IL36A: variants seen among roughly 807,000 people sequenced by gnomAD.
The protein encoded by IL36A is interleukin 36 alpha.
A neutral mutation model predicts 12.7 loss-of-function variants in IL36A; 13 were observed. The observed-to-expected ratio is 1.02, with a 90% CI of 0.67 to 1.63. The LOEUF (loss-of-function observed/expected upper bound fraction) is 1.63, where lower values mean the gene tolerates loss of function less well. IL36A is among the 40% of genes most tolerant of loss of function. The probability of loss-of-function intolerance (pLI) is 0.00; values close to 1 mark genes in which losing one functional copy is unlikely to be tolerated. For synonymous variants in IL36A, 73 were observed against 71.9 expected (o/e 1.01, Z -0.08); for missense variants, 195 against 192.9 (o/e 1.01, Z -0.07).
chr2:113,009,210 C>T (rs1453557698), downstream of IL36A, among the ~76,000 whole-genome samples: 1 of 151,750 alleles, frequency 6.6e-6, no homozygotes, highest in Non-Finnish European at 1.5e-5. Context: ...TTTCTTAATC[C>T]AGTCTATCGT....
chr2:113,010,498 T>TCCA (rs1684710867), downstream of IL36A, among the ~76,000 whole-genome samples: 1 of 152,198 alleles, frequency 6.6e-6, no homozygotes, highest in African/African-American at 2.4e-5. Context: ...CTGAGATGTA[T>TCCA]GGACCAGCTG....
intron 3 of IL36A, among the ~76,000 whole-genome samples, chr2:113,007,031 A>G (rs1684638173): frequency 6.6e-6 from 1 of 152,248 alleles, no homozygotes; most frequent in African/African-American, 2.4e-5. Flanking sequence ...GTTAATTATC[A>G]CAAAGTAGAC....
intron 2 of IL36A, 34 bp from the exon 3 acceptor site, chr2:113,006,564 C>G: frequency 6.2e-7 from 1 of 1,611,966 alleles, no homozygotes; most frequent in Non-Finnish European, 8.5e-7. Flanking sequence ...CTGGAAATGG[C>G]AGCTGAACAC....
chr2:113,005,743 G>A lies in IL36A; in HGVS notation c.-129G>A, dbSNP rs1172078444. On this transcript the variant is annotated 5_prime_UTR_variant, in exon 1 of 4. Coordinates refer to ENST00000259211, the MANE Select transcript of IL36A (RefSeq NM_014440.3). ...AGATTCTGACTGGGGTCACTGCTGG[G>A]CTGGCCGCCAGTCTTTCATCTGACC... 5 of 1,003,924 alleles carry A rather than the reference G, an allele frequency of 5.0e-6. No individual in the cohort carries two copies. The highest frequency in any genetic ancestry group is 2.6e-5 in the South Asian group (2 of 77,244). The allele number at this position is 1,003,924 out of a possible 1,614,324, so 62.2% of individuals were successfully genotyped here. A position where few individuals can be genotyped will look rare whatever the true frequency, so the allele number is the denominator to read the frequency against.
rs748824953 is a variant in IL36A at position 113,007,907 on chromosome 2, AG to A, written c.342del (p.Asn115ThrfsTer40). 1.5e-5 allele frequency: 24 copies of A among 1,614,082 alleles called. No individual in the cohort carries two copies. Among genetic ancestry groups the A allele is most frequent in the Non-Finnish European group, 2.5e-6 (3 of 1,180,020 alleles). On this transcript the variant is annotated frameshift_variant, in exon 4 of 4. Transcript: ENST00000259211. LOFTEE classifies it low-confidence loss of function (END_TRUNC). ...SFLFYHSQSG[R>X]NSTFESVAFP... is the part of the protein sequence containing the mutation. ...TCTCTTCTACCACAGCCAGAGTGGC[AG>A]GAACTCCACCTTCGAGTCTGTGGCT... is the stretch of plus-strand genomic sequence containing the variant.
Position 113,005,667 on chromosome 2 carries a change from A to C in IL36A, c.-205A>C, listed in dbSNP as rs1194765847. 6.3e-6 allele frequency: 4 copies of C among 630,494 alleles called. No homozygotes were observed. The East Asian group carries it at 1.1e-4, about 17-fold the overall frequency. 39.1% of individuals were successfully genotyped at this position (630,494 alleles called of 1,614,324 possible). On this transcript the variant is annotated 5_prime_UTR_variant, in exon 1 of 4. Coordinates refer to ENST00000259211, the MANE Select transcript of IL36A (RefSeq NM_014440.3). ...TCATAGGTGCAGCTGCTTCTGCTGG[A>C]GGTAGACTGCATCCAACAAAGTAAG...
chr2:113,011,068 C>T (rs570351693), downstream of IL36A, among the ~76,000 whole-genome samples: 92 of 152,290 alleles, frequency 6.0e-4, no homozygotes, highest in African/African-American at 2.2e-3. Context: ...TTTTTAAAGG[C>T]TGAATAATAA....
chr2:113,005,952 T>C, intron 1 of IL36A, 22 bp from the exon 2 acceptor site: 1 of 1,611,984 alleles, frequency 6.2e-7, no homozygotes, highest in Non-Finnish European at 8.5e-7. Context: ...CTTACTAATT[T>C]ACATTTTGAC....
chr2:113,007,720 C>A, intron 3 of IL36A, 112 bp from the exon 4 acceptor site: 1 of 803,300 alleles, frequency 1.2e-6, no homozygotes, highest in Non-Finnish European at 2.1e-6. Flanking sequence ...GGTCTCCAAG[C>A]TGCTTCAATG....
At chr2:113,009,775 A>G (rs569540964), downstream of IL36A, among the ~76,000 whole-genome samples, 1 of 152,334 alleles carries the variant, frequency 6.6e-6, no homozygotes, top group South Asian at 2.1e-4. Context: ...TGAACAATGC[A>G]GGTGCACAGC....
downstream of IL36A, among the ~76,000 whole-genome samples, chr2:113,009,707 A>G (rs1405291644): frequency 6.6e-6 from 1 of 152,146 alleles, no homozygotes; most frequent in East Asian, 1.9e-4. Flanking sequence ...AGGCCTCACT[A>G]CTGGGGTGGG....
downstream of IL36A, among the ~76,000 whole-genome samples, chr2:113,009,433 G>A (rs1684695453): frequency 6.6e-6 from 1 of 151,346 alleles, no homozygotes; most frequent in Non-Finnish European, 1.5e-5. Context: ...ACGATAGACT[G>A]GATTAAGAAA....
At chr2:113,008,363 T>G (rs1204350874), downstream of IL36A, among the ~76,000 whole-genome samples, 3 of 148,314 alleles carry the variant, frequency 2.0e-5, no homozygotes, top group Non-Finnish European at 4.5e-5. Flanking sequence ...GACTCTTTTT[T>G]TTTTTTTTTT....
At chr2:113,009,096 G>T (rs1228841709), downstream of IL36A, among the ~76,000 whole-genome samples, 2 of 150,752 alleles carry the variant, frequency 1.3e-5, no homozygotes, top group East Asian at 2.0e-4. Flanking sequence ...TTGCGATAGT[G>T]TGCTGAGAAT....
At position 113,006,699 on chromosome 2, in the gene IL36A, T is replaced by TGTGC; in HGVS notation, c.227_230dup (p.Lys78CysfsTer2). On this transcript the variant is annotated frameshift_variant, in exon 3 of 4. Coordinates refer to ENST00000259211, the MANE Select transcript of IL36A (RefSeq NM_014440.3). LOFTEE classifies it low-confidence loss of function (END_TRUNC). Reference sequence around the variant, plus strand: ...GAATGGACTCAATCTCTGCCTGATGTGTGCTAAAGTCGGGGACCAGCCCAC... The same window carrying TGTGC: ...GAATGGACTCAATCTCTGCCTGATGTGTGCGTGCTAAAGTCGGGGACCAGCCCAC... 6.2e-7 allele frequency: 1 copy of TGTGC among 1,614,162 alleles called. No individual in the cohort carries two copies. The highest frequency in any genetic ancestry group is 8.5e-7 in the Non-Finnish European group (1 of 1,180,016).
chr2:113,006,330 G>A (rs1345499591), intron 2 of IL36A, among the ~76,000 whole-genome samples: 1 of 152,186 alleles, frequency 6.6e-6, no homozygotes, highest in African/African-American at 2.4e-5. Flanking sequence ...AGTGGAAGAC[G>A]TATTCTGAGA....
downstream of IL36A, chr2:113,008,146 G>C: frequency 1.0e-6 from 1 of 957,912 alleles, no homozygotes; most frequent in South Asian, 1.5e-5. Flanking sequence ...TTCCACCTAA[G>C]AGTATCTTGC....
chr2:113,009,273 C>T (rs1414420111), downstream of IL36A, among the ~76,000 whole-genome samples: 5 of 151,138 alleles, frequency 3.3e-5, no homozygotes, highest in Non-Finnish European at 2.9e-5. Flanking sequence ...GGATCTAGAA[C>T]TAGAAATACC....
chr2:113,008,903 C>T (rs1295291155), downstream of IL36A, among the ~76,000 whole-genome samples: 3 of 151,218 alleles, frequency 2.0e-5, no homozygotes, highest in Non-Finnish European at 4.4e-5. Flanking sequence ...ATGTGCCATG[C>T]TGGTATGCTG....
Sources: gnomAD v4.1 joint callset for allele counts (sites outside exome capture counted in the v4.1 genomes callset) on GRCh38, gnomAD v4.1.1 for gene constraint, MANE v1.5 for transcripts, NCBI Gene and HGNC (gene_info 2026-07-23, HGNC 2026-07-21) for gene names.